Variants in SNIP1 observed in about 807,000 individuals in gnomAD.
SNIP1 encodes the protein Smad nuclear interacting protein 1, also known as smad nuclear-interacting protein 1.
Under a neutral mutation model 37.4 loss-of-function variants are expected in SNIP1, and 23 were observed. The observed-to-expected ratio is 0.61, with a 90% CI of 0.44 to 0.87. SNIP1 has a LOEUF of 0.87. SNIP1 is among the 40% of genes least tolerant of loss of function. The pLI is 0.00. For synonymous variants in SNIP1, 174 were observed against 200.0 expected, an observed-to-expected ratio of 0.87 and a Z score of 1.10; for missense variants, 459 against 540.4, an observed-to-expected ratio of 0.85 and a Z score of 1.49.
rs1643074153 is a variant in SNIP1 at position 37,535,225 on chromosome 1, A to G, written c.*2523T>C. The G allele has an allele frequency of 5.3e-4, 5 of 9,414 alleles. No homozygotes were observed. The highest frequency in any genetic ancestry group is 4.8e-3 in the Admixed American group (4 of 838). 0.6% of individuals were successfully genotyped at this position (9,414 alleles called of 1,614,324 possible). ...TCTCTACTAAAAAAAAATAAAAAAT[A>G]AAAATTATATATATAAATTAGCCAG... is the stretch of plus-strand genomic sequence containing the variant. On this transcript the variant is annotated 3_prime_UTR_variant, in exon 4 of 4. Transcript: ENST00000296215.
chr1:37,551,032 T>C (rs765484817), intron 2 of SNIP1, among the ~76,000 whole-genome samples: 1 of 148,456 alleles, frequency 6.7e-6, no homozygotes. Context: ...GAAGGGGAGA[T>C]TGCAGTGAGC....
Position 37,537,478 on chromosome 1 carries a change from TA to T in SNIP1, c.*269del. The T allele has an allele frequency of 4.9e-6, 2 of 412,264 alleles. No individual in the cohort carries two copies. Among genetic ancestry groups the T allele is most frequent in the Non-Finnish European group, 8.7e-6 (2 of 230,552 alleles). The allele number at this position is 412,264 out of a possible 1,614,324, so 25.5% of individuals were successfully genotyped here. Reference sequence around the variant, plus strand: ...CCAACTAAAACCACAACACTTCTACTAAAACACGGTGTGTTGTAATTGGTGA... The same window carrying T: ...CCAACTAAAACCACAACACTTCTACTAAACACGGTGTGTTGTAATTGGTGA... On this transcript the variant is annotated 3_prime_UTR_variant, in exon 4 of 4. Coordinates refer to ENST00000296215, the MANE Select transcript of SNIP1 (RefSeq NM_024700.4).
chr1:37,540,823 T>G lies in SNIP1; in HGVS notation c.328-68A>C, dbSNP rs1002586347. On this transcript the variant is annotated intron_variant, in intron 2 of 3. Coordinates refer to ENST00000296215, the MANE Select transcript of SNIP1 (RefSeq NM_024700.4). This position sits in a 1 kb window ranked among gnomAD's most constrained non-coding sequence, Gnocchi z 5.6. Reference sequence around the variant, plus strand: ...TCTAAAGGCAGCCCAAATCTTGTTCTTTTTGAACGAAGTGCATGCAAAAAG... The same window carrying G: ...TCTAAAGGCAGCCCAAATCTTGTTCGTTTTGAACGAAGTGCATGCAAAAAG... The G allele has an allele frequency of 5.6e-6, 8 of 1,438,474 alleles. No homozygotes were observed. The highest frequency in any genetic ancestry group is 7.4e-6 in the Non-Finnish European group (8 of 1,078,866). The allele number at this position is 1,438,474 out of a possible 1,614,324, so 89.1% of individuals were successfully genotyped here. A position where few individuals can be genotyped will look rare whatever the true frequency, so the allele number is the denominator to read the frequency against.
intron 2 of SNIP1, chr1:37,549,070 G>GT (rs958189671): frequency 7.3e-5 from 11 of 149,744 alleles, no homozygotes; most frequent in Non-Finnish European, 1.5e-4. Flanking sequence ...AGATATGATT[G>GT]TCTACGTAGA....
chr1:37,540,243 C>A lies in SNIP1; in HGVS notation c.840G>T (p.Ala280=). Residue 280 remains alanine, a synonymous_variant, in exon 3 of 4, where the codon GCG becomes GCT. Coordinates refer to ENST00000296215, the MANE Select transcript of SNIP1 (RefSeq NM_024700.4). This position sits in a 1 kb window ranked among gnomAD's most constrained non-coding sequence, Gnocchi z 5.6. ...LPVMYIHRQS[A]YLLGRHRRIA... ...TGCGGCGGTGTCGACCCAGTAGGTA[C>A]GCACTCTGTCGATGTATGTACATGA... 3 of 1,613,944 alleles carry A rather than the reference C, an allele frequency of 1.9e-6. No individual in the cohort carries two copies. The highest frequency in any genetic ancestry group is 1.1e-5 in the South Asian group (1 of 91,064).
At chr1:37,541,834 ATG>A (rs1643177765) in intron 2 of SNIP1, among the ~76,000 whole-genome samples, 1 of 152,140 alleles carries the variant, frequency 6.6e-6, no homozygotes, top group South Asian at 2.1e-4. Context: ...CCACCCATAA[ATG>A]TAATGCCTTT....
rs955842753 is a variant in SNIP1, at chr1:37,540,839, A to G, written c.328-84T>C. 2.8e-5 allele frequency: 37 copies of G among 1,329,676 alleles called. No homozygotes were observed. The highest frequency in any genetic ancestry group is 3.8e-5 in the Non-Finnish European group (37 of 980,908). 82.4% of individuals were successfully genotyped at this position (1,329,676 alleles called of 1,614,324 possible). A position where few individuals can be genotyped will look rare whatever the true frequency, so the allele number is the denominator to read the frequency against. On this transcript the variant is annotated intron_variant, in intron 2 of 3. Coordinates refer to ENST00000296215, the MANE Select transcript of SNIP1 (RefSeq NM_024700.4). The surrounding 1 kb of genome is among the most constrained non-coding windows in gnomAD (Gnocchi z 5.6). ...ATCTTGTTCTTTTTGAACGAAGTGCATGCAAAAAGTCTTGTAATTTGGACT... is the reference window on the plus strand; with the variant it reads ...ATCTTGTTCTTTTTGAACGAAGTGCGTGCAAAAAGTCTTGTAATTTGGACT...
intron 2 of SNIP1, among the ~76,000 whole-genome samples, chr1:37,551,287 G>A (rs568551256): frequency 0.012 from 1,814 of 148,602 alleles, 44 homozygotes; most frequent in African/African-American, 0.043. Context: ...AAAAAAAAAG[G>A]AAAACGCAAA....
At position 37,554,132 on chromosome 1, in the gene SNIP1, C is replaced by T. The variant is rs754045952; in HGVS notation, c.98G>A (p.Arg33His). ...LPAGVVVKQERLSPEVAPPAH... is the reference protein window; with the variant it reads ...LPAGVVVKQEHLSPEVAPPAH... ...GGGAGGTGCGACTTCTGGGCTGAGACGCTCCTGCTTCACCACCACCCCCGC... is the reference window on the plus strand; with the variant it reads ...GGGAGGTGCGACTTCTGGGCTGAGATGCTCCTGCTTCACCACCACCCCCGC... The change falls in exon 1 of 4, where the codon CGT becomes CAT. Residue 33 changes from arginine (R) to histidine (H), a missense_variant. By Grantham distance (29) the Arg-to-His change is conservative (BLOSUM62 0). Coordinates refer to ENST00000296215, the MANE Select transcript of SNIP1 (RefSeq NM_024700.4). 14 of 1,612,934 alleles carry T rather than the reference C, an allele frequency of 8.7e-6. No homozygotes were observed. Among genetic ancestry groups the T allele is most frequent in the East Asian group, 2.2e-5 (1 of 44,878 alleles).
intron 2 of SNIP1, among the ~76,000 whole-genome samples, chr1:37,547,008 C>T (rs1306254741): frequency 1.3e-5 from 2 of 152,220 alleles, no homozygotes; most frequent in African/African-American, 2.4e-5. Flanking sequence ...CACACTGGAT[C>T]GCCCCTGGAT....
rs1379656423 is a variant in SNIP1 at position 37,551,088 on chromosome 1, C to CACACACACTG, written c.327+1556_327+1557insCAGTGTGTGT. 3.3e-5 allele frequency among the ~76,000 whole-genome samples: 5 copies of CACACACACTG among 151,526 alleles called. No individual in the cohort carries two copies. The East Asian group carries it at 9.7e-4, about 29-fold the overall frequency. ...CCAGCCTGGGTGACACACACACACA[C>CACACACACTG]ACACACACACACACACACTGACACA... On this transcript the variant is annotated intron_variant, in intron 2 of 3. Transcript: ENST00000296215.
At position 37,540,911 on chromosome 1, in the gene SNIP1, T is replaced by C. The variant is rs1643167489; in HGVS notation, c.328-156A>G. 4.4e-6 allele frequency: 3 copies of C among 683,824 alleles called. No homozygotes were observed. The highest frequency in any genetic ancestry group is 6.0e-5 in the Admixed American group (2 of 33,208). The allele number at this position is 683,824 out of a possible 1,614,324, so 42.4% of individuals were successfully genotyped here. ...CCCACAGAAATAAGATTATGTCTGG[T>C]GGTTATGTTCCCTCGCAAGGCCACA... is the stretch of plus-strand genomic sequence containing the variant. On this transcript the variant is annotated intron_variant, in intron 2 of 3. Coordinates refer to ENST00000296215, the MANE Select transcript of SNIP1 (RefSeq NM_024700.4). The surrounding 1 kb of genome is among the most constrained non-coding windows in gnomAD (Gnocchi z 5.6).
intron 1 of SNIP1, among the ~76,000 whole-genome samples, chr1:37,553,177 TCCA>T (rs1376170044): frequency 5.9e-5 from 9 of 152,160 alleles, no homozygotes; most frequent in African/African-American, 2.2e-4. Context: ...ACCACTATAA[TCCA>T]CCGACACTGG....
intron 2 of SNIP1, among the ~76,000 whole-genome samples, chr1:37,549,346 T>A (rs1368156617): frequency 6.6e-6 from 1 of 152,152 alleles, no homozygotes; most frequent in Non-Finnish European, 1.5e-5. Flanking sequence ...ATTAGAAGAT[T>A]TAACATAGTA....
chr1:37,552,528 G>A (rs1250698479), intron 2 of SNIP1, 117 bp downstream of exon 2: 3 of 793,898 alleles, frequency 3.8e-6, no homozygotes, highest in Non-Finnish European at 6.4e-6. Flanking sequence ...AAGTAGAGAT[G>A]TAGGCGAGCG....
At chr1:37,553,215 C>T (rs1412646242) in intron 1 of SNIP1, among the ~76,000 whole-genome samples, 1 of 152,146 alleles carries the variant, frequency 6.6e-6, no homozygotes, top group Non-Finnish European at 1.5e-5. Context: ...AATCATAATT[C>T]ATTCTACTTC....
At chr1:37,538,335 C>T (rs930070783) in intron 3 of SNIP1, among the ~76,000 whole-genome samples, 3 of 151,848 alleles carry the variant, frequency 2.0e-5, no homozygotes, top group Non-Finnish European at 4.4e-5. Context: ...GGTGAAACCC[C>T]GTCTCTACTA....
At position 37,553,889 on chromosome 1, in the gene SNIP1, C is replaced by G. The variant is rs1643330569; in HGVS notation, c.224+117G>C. On this transcript the variant is annotated intron_variant, in intron 1 of 3. Transcript: ENST00000296215. ...GACTGGATCACTCTCAACAGCCCCT[C>G]AGGATTAAGTCCGGGCTGCTGCGCC... 1.9e-6 allele frequency: 2 copies of G among 1,038,430 alleles called. 1 individual carries two copies. The highest frequency in any genetic ancestry group is 3.0e-5 in the South Asian group (2 of 67,128). 64.3% of individuals were successfully genotyped at this position (1,038,430 alleles called of 1,614,324 possible). A position where few individuals can be genotyped will look rare whatever the true frequency, so the allele number is the denominator to read the frequency against.
chr1:37,545,475 A>G (rs1477639640), intron 2 of SNIP1, among the ~76,000 whole-genome samples: 5 of 151,512 alleles, frequency 3.3e-5, no homozygotes, highest in Non-Finnish European at 7.4e-5. Flanking sequence ...CCCACCAAAA[A>G]AAAAAAAAAA....
Sources: allele counts gnomAD v4.1 joint callset (sites outside exome capture counted in the v4.1 genomes callset), GRCh38; gene constraint gnomAD v4.1.1; non-coding constraint Gnocchi (gnomAD v3.1); transcripts MANE v1.5; gene names NCBI Gene and HGNC (gene_info 2026-07-23, HGNC 2026-07-21).